The following CCDC146 variants were observed in gnomAD, a reference collection of about 807,000 sequenced individuals.
The protein encoded by CCDC146 is coiled-coil domain-containing protein 146.
A neutral mutation model predicts 119.3 loss-of-function variants in CCDC146; 92 were observed. That is an observed-to-expected ratio of 0.77 (90% CI 0.65 to 0.92). CCDC146 has a LOEUF of 0.92. Ranked by LOEUF, CCDC146 falls within the 40% of genes least tolerant of loss-of-function variation. CCDC146 has a pLI of 0.00. For synonymous variants in CCDC146, 372 were observed against 371.8 expected (o/e 1.00, Z -0.01); for missense variants, 1,000 against 1,103.0 (o/e 0.91, Z 1.32).
chr7:77,197,830 TAGAA>T (rs1177431978), intron 2 of CCDC146, among the ~76,000 whole-genome samples: 3 of 152,202 alleles, frequency 2.0e-5, no homozygotes, highest in Admixed American at 6.5e-5. Flanking sequence ...GTTGGGTTTC[TAGAA>T]AGAAACAACA....
chr7:77,144,644 C>T (rs1359247112), intron 1 of CCDC146, among the ~76,000 whole-genome samples: 3 of 151,760 alleles, frequency 2.0e-5, no homozygotes, highest in Non-Finnish European at 4.4e-5. Context: ...TGAATTTTGT[C>T]AAAGGCTTTT....
In CCDC146 at chr7:77,278,925, G is replaced by A; in HGVS notation, c.1530-12G>A. 1 of 1,606,630 alleles carries A rather than the reference G, an allele frequency of 6.2e-7. No individual in the cohort carries two copies. Among genetic ancestry groups the A allele is most frequent in the Non-Finnish European group, 8.5e-7 (1 of 1,177,120 alleles). ...TTTCATAAGTTTCAGTAAACACTTT[G>A]TATTTTTACAGACTGAGAGAGTTTG... On this transcript the variant is annotated splice_polypyrimidine_tract_variant and intron_variant, in intron 12 of 18. Transcript: ENST00000285871.
At chr7:77,253,605 C>T (rs3114316) in intron 4 of CCDC146, among the ~76,000 whole-genome samples, 112,145 of 152,116 alleles carry the variant, frequency 0.74, 43,052 homozygotes, top group Non-Finnish European at 0.87. Flanking sequence ...GGCAACTATA[C>T]GCAGGTACTT....
chr7:77,287,600 T>C, intron 17 of CCDC146, 23 bp downstream of exon 17: 1 of 1,607,326 alleles, frequency 6.2e-7, no homozygotes, highest in Non-Finnish European at 8.5e-7. Flanking sequence ...CCCTGCCTTT[T>C]CCCTTCTGCC....
intron 2 of CCDC146, among the ~76,000 whole-genome samples, chr7:77,181,848 T>G (rs1299230365): frequency 6.6e-6 from 1 of 152,222 alleles, no homozygotes; most frequent in Non-Finnish European, 1.5e-5. Context: ...TTTTGTGTCA[T>G]ACCTTAAAGA....
intron 2 of CCDC146, among the ~76,000 whole-genome samples, chr7:77,212,993 T>C (rs1584078098): frequency 6.9e-6 from 1 of 144,968 alleles, no homozygotes; most frequent in East Asian, 2.0e-4. Context: ...TTCTAGGTGG[T>C]GCCATCAACT....
intron 1 of CCDC146, among the ~76,000 whole-genome samples, chr7:77,163,037 C>T (rs1791284999): frequency 1.3e-5 from 2 of 152,180 alleles, no homozygotes; most frequent in African/African-American, 2.4e-5. Context: ...AGAATTTGTA[C>T]AGATTCAGCA....
intron 17 of CCDC146, among the ~76,000 whole-genome samples, chr7:77,289,681 G>A (rs940845608): frequency 6.6e-6 from 1 of 152,208 alleles, no homozygotes; most frequent in Non-Finnish European, 1.5e-5. Flanking sequence ...ATCTCCTCAA[G>A]TGTCTCACTT....
chr7:77,123,346 C>G (rs1339711124), intron 1 of CCDC146, among the ~76,000 whole-genome samples: 1 of 148,982 alleles, frequency 6.7e-6, no homozygotes, highest in Non-Finnish European at 1.5e-5. Flanking sequence ...TCTGTGTCAC[C>G]TAGACCTGTT....
chr7:77,132,553 C>CAAAAAAAAAAA (rs58502705), intron 1 of CCDC146, among the ~76,000 whole-genome samples: 1 of 107,134 alleles, frequency 9.3e-6, no homozygotes, highest in Non-Finnish European at 1.8e-5. Context: ...TCGATCTCTA[C>CAAAAAAAAAAA]AAAAAAAAAA....
chr7:77,254,585 GTTTC>G, intron 5 of CCDC146, 22 bp downstream of exon 5: 1 of 1,311,534 alleles, frequency 7.6e-7, no homozygotes, highest in Non-Finnish European at 1.1e-6. Flanking sequence ...ATGATATAGA[GTTTC>G]TTAAATACAG....
At chr7:77,199,429 G>A (rs898253846) in intron 2 of CCDC146, 3 of 1,613,998 alleles carry the variant, frequency 1.9e-6, no homozygotes, top group Non-Finnish European at 2.5e-6. Flanking sequence ...AACCTCTCCC[G>A]GGGCTCCTGT....
intron 2 of CCDC146, among the ~76,000 whole-genome samples, chr7:77,183,103 G>T (rs750961615): frequency 2.0e-4 from 31 of 152,024 alleles, no homozygotes; most frequent in Non-Finnish European, 4.4e-4. Context: ...CATATCAAGC[G>T]GCAAAACTTC....
At chr7:77,165,113 C>T (rs1791321362) in intron 1 of CCDC146, among the ~76,000 whole-genome samples, 1 of 152,114 alleles carries the variant, frequency 6.6e-6, no homozygotes, top group Non-Finnish European at 1.5e-5. Flanking sequence ...GGCAGTCATC[C>T]CAATGTCACC....
chr7:77,181,609 A>AT (rs1446016197), intron 2 of CCDC146, among the ~76,000 whole-genome samples: 1 of 152,054 alleles, frequency 6.6e-6, no homozygotes, highest in East Asian at 1.9e-4. Context: ...TTCTGCTCAC[A>AT]TTTTTTTCCC....
chr7:77,144,440 C>T (rs532407057), intron 1 of CCDC146, among the ~76,000 whole-genome samples: 2 of 151,896 alleles, frequency 1.3e-5, no homozygotes, highest in Admixed American at 6.5e-5. Flanking sequence ...CTGGCCAGAA[C>T]TTCCAATACT....
chr7:77,238,231 G>A (rs970694401), intron 3 of CCDC146, among the ~76,000 whole-genome samples: 7 of 152,028 alleles, frequency 4.6e-5, no homozygotes, highest in African/African-American at 1.4e-4. Context: ...AGCTGGTCAC[G>A]CCTGCCAGTG....
At position 77,241,754 on chromosome 7, in the gene CCDC146, G is replaced by A; in HGVS notation, c.303G>A (p.Gln101=). 6.2e-7 allele frequency: 1 copy of A among 1,613,990 alleles called. No individual in the cohort carries two copies. Among genetic ancestry groups the A allele is most frequent in the Non-Finnish European group, 8.5e-7 (1 of 1,180,010 alleles). Residue 101 remains glutamine, a synonymous_variant, in exon 4 of 19, where the codon CAG becomes CAA. Transcript: ENST00000285871. ...NAKRFTEQIQ[Q]QQFHLQQADN... ...AACGTTTCACTGAGCAAATACAACAGCAGCAGTTTCACCTGCAGCAAGCTG... is the reference window on the plus strand; with the variant it reads ...AACGTTTCACTGAGCAAATACAACAACAGCAGTTTCACCTGCAGCAAGCTG...
intron 2 of CCDC146, among the ~76,000 whole-genome samples, chr7:77,197,852 A>G (rs974229315): frequency 3.3e-5 from 5 of 152,212 alleles, no homozygotes; most frequent in African/African-American, 4.8e-5. Context: ...ACAGGTGACT[A>G]TATTGAGGAT....
Sources: gnomAD v4.1 joint callset for allele counts (sites outside exome capture counted in the v4.1 genomes callset) on GRCh38, gnomAD v4.1.1 for gene constraint, MANE v1.5 for transcripts, NCBI Gene and HGNC (gene_info 2026-07-23, HGNC 2026-07-21) for gene names.